KITLG: variants seen among roughly 807,000 people sequenced by gnomAD.
KITLG encodes c-Kit ligand.
In KITLG, 13 loss-of-function variants were observed where a neutral mutation model predicts 34.1. The observed-to-expected ratio is 0.38, with a 90% CI of 0.25 to 0.61. The LOEUF is 0.61. Ranked by LOEUF, KITLG falls within the 20% of genes least tolerant of loss-of-function variation. The pLI, the probability that KITLG is intolerant of heterozygous loss-of-function variation, is 0.60. For missense variants in KITLG, 292 were observed against 318.9 expected (o/e 0.92, Z 0.64); for synonymous variants, 110 against 104.0 (o/e 1.06, Z -0.35).
intron 3 of KITLG, among the ~76,000 whole-genome samples, chr12:88,521,193 C>T (rs956586589): frequency 6.6e-6 from 1 of 151,934 alleles, no homozygotes; most frequent in African/African-American, 2.4e-5. Flanking sequence ...TTTTAAGATT[C>T]TTGAGTTTAT....
In KITLG at chr12:88,543,160, G is replaced by C. The variant is rs11832155; in HGVS notation, c.129+2592C>G. Among the ~76,000 whole-genome samples, 611 of 152,100 alleles carry C rather than the reference G, an allele frequency of 4.0e-3. 1 individual carries two copies. Among genetic ancestry groups the C allele is most frequent in the African/African-American group, 9.6e-3 (400 of 41,510 alleles). ...AAGTTCTAGGGTACATGTGCACAACGTGCAGGTTTGTTACATAGGTATACA... is the reference window on the plus strand; with the variant it reads ...AAGTTCTAGGGTACATGTGCACAACCTGCAGGTTTGTTACATAGGTATACA... On this transcript the variant is annotated intron_variant, in intron 2 of 9. Transcript: ENST00000644744.
rs966044985 is a variant in KITLG, at chr12:88,493,981, T to A, written c.*3238A>T. On this transcript the variant is annotated 3_prime_UTR_variant, in exon 10 of 10. Coordinates refer to ENST00000644744, the MANE Select transcript of KITLG (RefSeq NM_000899.5). The stretch of plus-strand genomic sequence containing the variant: ...TGACTTTTTATGGTCAAGATACTTA[T>A]TCACAGAATCCAGAGTTGGATATTT... 6.6e-6 allele frequency: 1 copy of A among 151,950 alleles called. No individual in the cohort carries two copies. The highest frequency in any genetic ancestry group is 1.5e-5 in the Non-Finnish European group (1 of 67,868). The allele number at this position is 151,950 out of a possible 1,614,324, so 9.4% of individuals were successfully genotyped here.
Position 88,535,489 on chromosome 12 carries a change from C to T in KITLG, c.130-2986G>A, listed in dbSNP as rs116056688. On this transcript the variant is annotated intron_variant, in intron 2 of 9. Coordinates refer to ENST00000644744, the MANE Select transcript of KITLG (RefSeq NM_000899.5). The stretch of plus-strand genomic sequence containing the variant: ...GGTTAACCGGTATCCCCAAGGTACA[C>T]GCATTAGGAGTAACTGGTGCAGGTA... Among the ~76,000 whole-genome samples, 951 of 152,224 alleles carry T rather than the reference C, an allele frequency of 6.2e-3. 10 individuals are homozygous for T. The highest frequency in any genetic ancestry group is 0.022 in the African/African-American group (902 of 41,520).
chr12:88,539,178 A>T (rs1870431737), intron 2 of KITLG, among the ~76,000 whole-genome samples: 1 of 152,150 alleles, frequency 6.6e-6, no homozygotes, highest in Non-Finnish European at 1.5e-5. Context: ...TTCAAGGGTC[A>T]CTGAGGTCCC....
chr12:88,498,712 T>C (rs999367497), intron 9 of KITLG, among the ~76,000 whole-genome samples: 1 of 152,038 alleles, frequency 6.6e-6, no homozygotes, highest in Admixed American at 6.6e-5. Flanking sequence ...CTGTCTCTAC[T>C]AAAAATACAA....
At chr12:88,567,862 A>T (rs1275212190) in intron 1 of KITLG, among the ~76,000 whole-genome samples, 1 of 152,208 alleles carries the variant, frequency 6.6e-6, no homozygotes. Context: ...TTATCCGAAG[A>T]ATCAAGTGAC....
At chr12:88,538,537 A>T (rs2120894163) in intron 2 of KITLG, among the ~76,000 whole-genome samples, 1 of 152,190 alleles carries the variant, frequency 6.6e-6, no homozygotes, top group South Asian at 2.1e-4. Flanking sequence ...TACCAAGATT[A>T]GTATGGGAAG....
chr12:88,513,416 A>G (rs1014810405), intron 6 of KITLG, among the ~76,000 whole-genome samples: 1 of 151,826 alleles, frequency 6.6e-6, no homozygotes, highest in African/African-American at 2.4e-5. Context: ...ATGGTGGATT[A>G]AAATCCAACT....
intron 1 of KITLG, among the ~76,000 whole-genome samples, chr12:88,553,717 C>T (rs540599550): frequency 7.2e-5 from 11 of 152,172 alleles, no homozygotes; most frequent in Non-Finnish European, 1.5e-4. Flanking sequence ...AAATCATTTA[C>T]ATGATTAGGA....
chr12:88,527,101 C>A (rs534099033), intron 3 of KITLG, among the ~76,000 whole-genome samples: 1 of 152,042 alleles, frequency 6.6e-6, no homozygotes, highest in Non-Finnish European at 1.5e-5. Context: ...ATCTCCTGAC[C>A]TCATGATCCA....
At chr12:88,503,518 C>T (rs1868942581) in intron 9 of KITLG, among the ~76,000 whole-genome samples, 1 of 152,194 alleles carries the variant, frequency 6.6e-6, no homozygotes, top group African/African-American at 2.4e-5. Context: ...GTGGTAAATG[C>T]TCTCAGGATT....
intron 6 of KITLG, 34 bp downstream of exon 6, chr12:88,515,500 C>T (rs373306888): frequency 1.1e-5 from 15 of 1,332,322 alleles, no homozygotes; most frequent in Non-Finnish European, 1.4e-5. Flanking sequence ...CTAATTGGAG[C>T]CATGCATGCA....
At chr12:88,532,284 G>C (rs1870125199) in intron 3 of KITLG, among the ~76,000 whole-genome samples, 157 bp downstream of exon 3, 1 of 151,420 alleles carries the variant, frequency 6.6e-6, no homozygotes, top group Admixed American at 6.6e-5. Flanking sequence ...CTTAAGAGGG[G>C]GAAAAAAAAG....
intron 1 of KITLG, among the ~76,000 whole-genome samples, chr12:88,568,302 TTTATTTATTTATTTA>T (rs1426133135): frequency 6.7e-6 from 1 of 149,852 alleles, no homozygotes; most frequent in Non-Finnish European, 1.5e-5. Flanking sequence ...TATTTATTTA[TTTATTTATTTATTTA>T]TTTATTTTAT....
chr12:88,549,638 GTTAAGT>G (rs962748895), intron 1 of KITLG, among the ~76,000 whole-genome samples: 4 of 152,122 alleles, frequency 2.6e-5, no homozygotes, highest in Non-Finnish European at 4.4e-5. Context: ...TTTTGAGTAT[GTTAAGT>G]TTAAGATGTC....
chr12:88,549,505 C>A (rs1033488162), intron 1 of KITLG, among the ~76,000 whole-genome samples: 1 of 151,862 alleles, frequency 6.6e-6, no homozygotes, highest in Non-Finnish European at 1.5e-5. Flanking sequence ...TGACAGAGTA[C>A]GATTTGAGAG....
chr12:88,518,817 C>T lies in KITLG; in HGVS notation c.243G>A (p.Leu81=). The T allele has an allele frequency of 6.2e-6, 10 of 1,613,654 alleles. No homozygotes were observed. Among genetic ancestry groups the T allele is most frequent in the Non-Finnish European group, 8.5e-6 (10 of 1,179,720 alleles). ...TTGAAAACTTGTCCAGAAGATCAGT[C>T]AAGCTGTCTGACAATTGTACTACCA... is the stretch of plus-strand genomic sequence containing the variant. ...SEMVVQLSDS[L]TDLLDKFSNI... The change falls in exon 4 of 10, where the codon TTG becomes TTA. Residue 81 remains leucine (L), a synonymous_variant. Transcript: ENST00000644744.
At chr12:88,518,965 T>A in intron 3 of KITLG, 98 bp from the exon 4 acceptor site, 1 of 1,049,562 alleles carries the variant, frequency 9.5e-7, no homozygotes, top group Non-Finnish European at 1.4e-6. Flanking sequence ...GTTACTCAAG[T>A]GATTCTCCTG....
intron 3 of KITLG, among the ~76,000 whole-genome samples, chr12:88,529,837 C>T (rs1160839624): frequency 6.6e-6 from 1 of 152,198 alleles, no homozygotes; most frequent in African/African-American, 2.4e-5. Context: ...CTGTCCAATG[C>T]TCTAAACGTG....
Sources: allele counts gnomAD v4.1 joint callset (sites outside exome capture counted in the v4.1 genomes callset), GRCh38; gene constraint gnomAD v4.1.1; transcripts MANE v1.5; gene names NCBI Gene and HGNC (gene_info 2026-07-23, HGNC 2026-07-21).